Variants in TFEC observed in about 807,000 individuals in gnomAD.
TFEC encodes the protein transcription factor EC, also known as class E basic helix-loop-helix protein 34.
TFEC carries 31 observed loss-of-function variants against 41.6 expected under a neutral mutation model. The observed-to-expected ratio is 0.74, with a 90% CI of 0.56 to 1.01. TFEC has a LOEUF of 1.01. Ranked by LOEUF, TFEC falls within the 50% of genes least tolerant of loss-of-function variation. The pLI is 0.00. For missense variants in TFEC, 402 were observed against 404.1 expected, an observed-to-expected ratio of 0.99 and a Z score of 0.04; for synonymous variants, 143 against 140.6, an observed-to-expected ratio of 1.02 and a Z score of -0.12.
chr7:115,981,079 T>G (rs1041755727), intron 2 of TFEC, among the ~76,000 whole-genome samples: 1 of 152,082 alleles, frequency 6.6e-6, no homozygotes, highest in African/African-American at 2.4e-5. Flanking sequence ...CCCACTACCT[T>G]GGAATCATGT....
intron 3 of TFEC, among the ~76,000 whole-genome samples, chr7:116,062,706 T>A (rs565086511): frequency 6.6e-6 from 1 of 151,752 alleles, no homozygotes; most frequent in South Asian, 2.1e-4. Flanking sequence ...AGTTTTTGTA[T>A]AATGACTTCT....
intron 6 of TFEC, among the ~76,000 whole-genome samples, chr7:115,947,875 C>CA (rs533361251): frequency 1.7e-3 from 265 of 151,784 alleles, no homozygotes; most frequent in African/African-American, 6.2e-3. Flanking sequence ...AATAGAGACA[C>CA]AAAAAACCCT....
intron 1 of TFEC, among the ~76,000 whole-genome samples, chr7:116,156,213 G>A (rs1798868398): frequency 6.6e-6 from 1 of 152,064 alleles, no homozygotes; most frequent in South Asian, 2.1e-4. Flanking sequence ...ACAGCAGGAG[G>A]GAGAGAGGGA....
intron 1 of TFEC, among the ~76,000 whole-genome samples, chr7:116,123,512 C>A (rs1584544736): frequency 3.3e-5 from 5 of 152,060 alleles, no homozygotes; most frequent in South Asian, 4.1e-4. Context: ...TTTTGTCATG[C>A]CACTTCCCTA....
chr7:115,998,792 T>C (rs1394450679), intron 1 of TFEC, among the ~76,000 whole-genome samples: 1 of 151,940 alleles, frequency 6.6e-6, no homozygotes. Flanking sequence ...CAATTATAAA[T>C]ATATATGTGC....
chr7:116,042,641 T>G (rs1259122101), intron 3 of TFEC, among the ~76,000 whole-genome samples: 2 of 152,182 alleles, frequency 1.3e-5, no homozygotes, highest in African/African-American at 4.8e-5. Flanking sequence ...ATTTGGAAAC[T>G]TGAACTAAAC....
At chr7:116,054,100 C>A (rs971233751) in intron 3 of TFEC, among the ~76,000 whole-genome samples, 2 of 152,160 alleles carry the variant, frequency 1.3e-5, no homozygotes, top group African/African-American at 4.8e-5. Context: ...GCTTTGTATA[C>A]TAATAATTCT....
chr7:116,073,218 A>C (rs1796872747), intron 3 of TFEC, among the ~76,000 whole-genome samples: 2 of 151,804 alleles, frequency 1.3e-5, no homozygotes, highest in African/African-American at 4.8e-5. Context: ...AATGAAATTA[A>C]GAAAACAATT....
chr7:115,994,832 C>A (rs973205115), intron 1 of TFEC, among the ~76,000 whole-genome samples: 1 of 152,136 alleles, frequency 6.6e-6, no homozygotes, highest in African/African-American at 2.4e-5. Context: ...TTTGACCCAG[C>A]CATCCCATTG....
intron 1 of TFEC, among the ~76,000 whole-genome samples, chr7:116,017,726 A>C (rs942065405): frequency 2.0e-5 from 3 of 152,024 alleles, no homozygotes; most frequent in African/African-American, 7.3e-5. Context: ...GCTTTTCCCT[A>C]CTGCCTGGAA....
At chr7:116,056,245 T>C (rs1338051114) in intron 3 of TFEC, among the ~76,000 whole-genome samples, 1 of 151,944 alleles carries the variant, frequency 6.6e-6, no homozygotes. Context: ...CCTTAGAGAC[T>C]TTCCAGACTG....
chr7:116,017,107 C>T (rs146279965), intron 1 of TFEC, among the ~76,000 whole-genome samples: 1 of 152,312 alleles, frequency 6.6e-6, no homozygotes, highest in Admixed American at 6.5e-5. Flanking sequence ...TACTAATCTT[C>T]CAGTTTCCTC....
At chr7:116,065,940 C>A (rs1456279887) in intron 3 of TFEC, among the ~76,000 whole-genome samples, 1 of 151,978 alleles carries the variant, frequency 6.6e-6, no homozygotes, top group Non-Finnish European at 1.5e-5. Context: ...GCTTCCTAGG[C>A]AGCTAAAAAA....
intron 3 of TFEC, among the ~76,000 whole-genome samples, chr7:116,051,348 C>T (rs1038934652): frequency 4.0e-5 from 6 of 151,742 alleles, no homozygotes; most frequent in Non-Finnish European, 2.9e-5. Context: ...TATTTTAATC[C>T]CCATATTACA....
chr7:115,968,713 C>A (rs184982483), intron 3 of TFEC, among the ~76,000 whole-genome samples: 1 of 151,804 alleles, frequency 6.6e-6, no homozygotes, highest in Non-Finnish European at 1.5e-5. Context: ...TCATAGGATT[C>A]TATAGTTCTA....
chr7:116,156,907 C>T (rs1232386204), intron 1 of TFEC, among the ~76,000 whole-genome samples: 1 of 152,122 alleles, frequency 6.6e-6, no homozygotes, highest in Non-Finnish European at 1.5e-5. Context: ...ACATTTTATA[C>T]TATATGGAAG....
intron 3 of TFEC, among the ~76,000 whole-genome samples, chr7:116,058,195 A>G (rs1796472837): frequency 6.6e-6 from 1 of 151,862 alleles, no homozygotes. Context: ...TGCAAAAATT[A>G]TACCACACTA....
chr7:116,045,759 T>C (rs559202481), intron 3 of TFEC, among the ~76,000 whole-genome samples: 1 of 152,236 alleles, frequency 6.6e-6, no homozygotes, highest in South Asian at 2.1e-4. Flanking sequence ...GAATGGTAGA[T>C]CCATTGGCAG....
intron 3 of TFEC, among the ~76,000 whole-genome samples, chr7:116,089,294 C>T (rs1345563866): frequency 6.6e-6 from 1 of 151,958 alleles, no homozygotes; most frequent in Non-Finnish European, 1.5e-5. Context: ...ATTTAAGGAA[C>T]ACAAGGATGA....
Sources: gnomAD v4.1 joint callset for allele counts (sites outside exome capture counted in the v4.1 genomes callset) on GRCh38, gnomAD v4.1.1 for gene constraint, MANE v1.5 for transcripts, NCBI Gene and HGNC (gene_info 2026-07-23, HGNC 2026-07-21) for gene names.